The following LSM7 variants were observed in gnomAD, a reference collection of about 807,000 sequenced individuals.
The protein encoded by LSM7 is U6 snRNA-associated Sm-like protein LSm7.
LSM7 carries 13 observed loss-of-function variants against 14.1 expected under a neutral mutation model. That is an observed-to-expected ratio of 0.92 (90% CI 0.60 to 1.47). The LOEUF (loss-of-function observed/expected upper bound fraction) is 1.47. Among genes scored for constraint, LSM7 ranks in the 40% most tolerant of loss-of-function variants. The pLI is 0.00. For synonymous variants in LSM7, 70 were observed against 57.1 expected, an observed-to-expected ratio of 1.23 and a Z score of -1.02; for missense variants, 108 against 140.8, an observed-to-expected ratio of 0.77 and a Z score of 1.18.
At chr19:2,324,925 CAG>C (rs1316599485) in intron 2 of LSM7, 2 of 152,634 alleles carry the variant, frequency 1.3e-5, no homozygotes, top group African/African-American at 4.8e-5. Flanking sequence ...GTAGGGGAGA[CAG>C]AGTGCTCCGC....
In LSM7 at chr19:2,321,935, A is replaced by G; in HGVS notation, c.170-113T>C. On this transcript the variant is annotated intron_variant, in intron 3 of 3. Transcript: ENST00000252622. The surrounding 1 kb of genome is among the most constrained non-coding windows in gnomAD (Gnocchi z 5.0). ...CCACCTGCACCCTGCAGGCGCCACG[A>G]GCACGCAGGGACCTCAGACGGGATG... 1 of 1,015,362 alleles carries G rather than the reference A, an allele frequency of 9.8e-7. No homozygotes were observed. Among genetic ancestry groups the G allele is most frequent in the Non-Finnish European group, 1.3e-6 (1 of 765,382 alleles). 62.9% of individuals were successfully genotyped at this position (1,015,362 alleles called of 1,614,324 possible). A position where few individuals can be genotyped will look rare whatever the true frequency, so the allele number is the denominator to read the frequency against.
Position 2,328,573 on chromosome 19 carries a change from G to C in LSM7, c.-7C>G, listed in dbSNP as rs1380901199. ...GCCGCGCGCTCACCGCCATCTTGTC[G>C]CGCCGTGTGGCTCTTCGCAGGCACC... On this transcript the variant is annotated 5_prime_UTR_variant, in exon 1 of 4. Transcript: ENST00000252622. 10 of 1,579,472 alleles carry C rather than the reference G, an allele frequency of 6.3e-6. No individual in the cohort carries two copies. Among genetic ancestry groups the C allele is most frequent in the Non-Finnish European group, 8.6e-6 (10 of 1,165,058 alleles).
intron 3 of LSM7, among the ~76,000 whole-genome samples, chr19:2,323,135 G>C (rs527369911): frequency 2.6e-5 from 4 of 152,202 alleles, no homozygotes; most frequent in African/African-American, 9.6e-5. Context: ...CTGGGGACTT[G>C]CCGCAGGAGC....
At position 2,328,534 on chromosome 19, in the gene LSM7, C is replaced by G. The variant is rs540851599; in HGVS notation, c.6+27G>C. On this transcript the variant is annotated intron_variant, in intron 1 of 3. Transcript: ENST00000252622. ...AGCGCGGCCCGAGCTCCACGCCCCCCGGCTCCAGATTCCGCCGCGCGCTCA... is the reference window on the plus strand; with the variant it reads ...AGCGCGGCCCGAGCTCCACGCCCCCGGGCTCCAGATTCCGCCGCGCGCTCA... 3.7e-4 allele frequency: 587 copies of G among 1,605,874 alleles called. 1 individual carries two copies. Among genetic ancestry groups the G allele is most frequent in the Non-Finnish European group, 4.6e-4 (544 of 1,176,742 alleles).
rs965607698 is a variant in LSM7 at position 2,321,969 on chromosome 19, G to T, written c.170-147C>A. On this transcript the variant is annotated intron_variant, in intron 3 of 3. Transcript: ENST00000252622. This position sits in a 1 kb window ranked among gnomAD's most constrained non-coding sequence, Gnocchi z 5.0. ...GGACCTCAGACGGGATGCGCTCTGT[G>T]GGGCAGGTCCCCGGCTCCCACGGCT... The T allele has an allele frequency of 2.8e-6, 2 of 710,752 alleles. No individual in the cohort carries two copies. Among genetic ancestry groups the T allele is most frequent in the Non-Finnish European group, 4.0e-6 (2 of 495,380 alleles). The allele number at this position is 710,752 out of a possible 1,614,324, so 44.0% of individuals were successfully genotyped here.
At chr19:2,324,229 A>G (rs1331113920) in intron 2 of LSM7, 33 bp from the exon 3 acceptor site, 2 of 1,523,188 alleles carry the variant, frequency 1.3e-6, no homozygotes, top group Admixed American at 3.9e-5. Context: ...AGAAAAGAGA[A>G]GGCATGAGAT....
intron 2 of LSM7, among the ~76,000 whole-genome samples, chr19:2,326,671 A>G (rs1033546242): frequency 1.3e-5 from 2 of 152,186 alleles, no homozygotes; most frequent in African/African-American, 4.8e-5. Flanking sequence ...GGGTTTCGCC[A>G]TGTTGGCCAG....
chr19:2,326,313 TGTGTGTGTGTGTGTGTGTG>T, intron 2 of LSM7, among the ~76,000 whole-genome samples: 1 of 2,628 alleles, frequency 3.8e-4, no homozygotes, highest in Admixed American at 4.3e-3. Flanking sequence ...TTCTGCTTTT[TGTGTGTGTGTGTGTGTGTG>T]TGTGTGTGTG....
Position 2,321,858 on chromosome 19 carries a change from C to G in LSM7, c.170-36G>C. 1 of 1,375,472 alleles carries G rather than the reference C, an allele frequency of 7.3e-7. No homozygotes were observed. 85.2% of individuals were successfully genotyped at this position (1,375,472 alleles called of 1,614,324 possible). On this transcript the variant is annotated intron_variant, in intron 3 of 3. Coordinates refer to ENST00000252622, the MANE Select transcript of LSM7 (RefSeq NM_016199.3). The surrounding 1 kb of genome is among the most constrained non-coding windows in gnomAD (Gnocchi z 5.0). ...GCAGATAGAGAGGACTGAGGGACCT[C>G]CAGGAAGCCTCCGAGACCCCCCACC... is the stretch of plus-strand genomic sequence containing the variant.
intron 2 of LSM7, chr19:2,326,084 C>G (rs1968010401): frequency 6.6e-6 from 1 of 152,262 alleles, no homozygotes; most frequent in African/African-American, 2.4e-5. Context: ...GTAGGTAGGT[C>G]TCTAACATGG....
Position 2,324,264 on chromosome 19 carries a change from C to T in LSM7, c.98-68G>A, listed in dbSNP as rs924165151. ...TCCGTCCTGGGCGCAGGGCCCGCCC[C>T]AGCATGGCCCAGGTATGGGGCTAAC... is the stretch of plus-strand genomic sequence containing the variant. On this transcript the variant is annotated intron_variant, in intron 2 of 3. Coordinates refer to ENST00000252622, the MANE Select transcript of LSM7 (RefSeq NM_016199.3). The T allele has an allele frequency of 5.6e-5, 70 of 1,246,248 alleles. No individual in the cohort carries two copies. In the East Asian group the frequency reaches 7.6e-4, roughly 14 times the overall value. 77.2% of individuals were successfully genotyped at this position (1,246,248 alleles called of 1,614,324 possible).
rs546880758 is a variant in LSM7, at chr19:2,321,966, T to C, written c.170-144A>G. 1.5e-5 allele frequency: 11 copies of C among 728,302 alleles called. No individual in the cohort carries two copies. The South Asian group carries it at 3.2e-4, about 21-fold the overall frequency. The allele number at this position is 728,302 out of a possible 1,614,324, so 45.1% of individuals were successfully genotyped here. ...CAGGGACCTCAGACGGGATGCGCTC[T>C]GTGGGGCAGGTCCCCGGCTCCCACG... is the stretch of plus-strand genomic sequence containing the variant. On this transcript the variant is annotated intron_variant, in intron 3 of 3. Coordinates refer to ENST00000252622, the MANE Select transcript of LSM7 (RefSeq NM_016199.3). This position sits in a 1 kb window ranked among gnomAD's most constrained non-coding sequence, Gnocchi z 5.0.
rs1967933199 is a variant in LSM7 at position 2,321,525 on chromosome 19, G to A, written c.*155C>T. On this transcript the variant is annotated 3_prime_UTR_variant, in exon 4 of 4. Transcript: ENST00000252622. The surrounding 1 kb of genome is among the most constrained non-coding windows in gnomAD (Gnocchi z 5.0). The stretch of plus-strand genomic sequence containing the variant: ...AAGATTCGGGGCTCAGACACATTGA[G>A]GTTTGCAATTTTATTAAGAAAACAA... 8.6e-6 allele frequency: 7 copies of A among 812,578 alleles called. No individual in the cohort carries two copies. Among genetic ancestry groups the A allele is most frequent in the Admixed American group, 8.1e-5 (2 of 24,814 alleles). 50.3% of individuals were successfully genotyped at this position (812,578 alleles called of 1,614,324 possible). A position where few individuals can be genotyped will look rare whatever the true frequency, so the allele number is the denominator to read the frequency against.
In LSM7 at chr19:2,321,653, C is replaced by A; in HGVS notation, c.*27G>T. On this transcript the variant is annotated 3_prime_UTR_variant, in exon 4 of 4. Coordinates refer to ENST00000252622, the MANE Select transcript of LSM7 (RefSeq NM_016199.3). This position sits in a 1 kb window ranked among gnomAD's most constrained non-coding sequence, Gnocchi z 5.0. ...GGGAAACCGAGCTGCTCGGGCCTGC[C>A]CTGCACCCCCCGCGCCCCCGGCCAG... 6.9e-7 allele frequency: 1 copy of A among 1,458,868 alleles called. No individual in the cohort carries two copies. The allele number at this position is 1,458,868 out of a possible 1,614,324, so 90.4% of individuals were successfully genotyped here.
intron 2 of LSM7, among the ~76,000 whole-genome samples, chr19:2,327,724 C>T (rs1968062054): frequency 6.6e-6 from 1 of 152,158 alleles, no homozygotes; most frequent in African/African-American, 2.4e-5. Context: ...TTTTTAATAA[C>T]TCTCATGCCA....
intron 2 of LSM7, among the ~76,000 whole-genome samples, chr19:2,327,749 A>G (rs1968062665): frequency 6.6e-6 from 1 of 152,220 alleles, no homozygotes; most frequent in Non-Finnish European, 1.5e-5. Context: ...GTTGTCTACA[A>G]TCCAGGGACA....
intron 2 of LSM7, chr19:2,324,508 A>T (rs1967985172): frequency 2.4e-6 from 1 of 419,916 alleles, no homozygotes; most frequent in East Asian, 4.0e-5. Context: ...GTGTGGCTGA[A>T]CTGCGGCCGG....
At chr19:2,324,044 A>T in intron 3 of LSM7, 81 bp downstream of exon 3, 1 of 259,544 alleles carries the variant, frequency 3.9e-6, no homozygotes, top group Non-Finnish European at 6.9e-6. Flanking sequence ...CCCTCGTCCC[A>T]CTGCCCCCCT....
chr19:2,325,567 A>G (rs1023505345), intron 2 of LSM7, among the ~76,000 whole-genome samples: 15 of 152,136 alleles, frequency 9.9e-5, no homozygotes, highest in African/African-American at 3.6e-4. Context: ...CACCCCGGGC[A>G]TTATTCTGCC....
Sources: allele counts gnomAD v4.1 joint callset (sites outside exome capture counted in the v4.1 genomes callset), GRCh38; gene constraint gnomAD v4.1.1; non-coding constraint Gnocchi (gnomAD v3.1); transcripts MANE v1.5; gene names NCBI Gene and HGNC (gene_info 2026-07-23, HGNC 2026-07-21).